The following PTPRN variants were observed in gnomAD, a reference collection of about 807,000 sequenced individuals.
PTPRN encodes receptor-type tyrosine-protein phosphatase-like N.
Under a neutral mutation model 108.5 loss-of-function variants are expected in PTPRN, and 70 were observed. The ratio of observed to expected loss-of-function variants is 0.65; its 90% CI spans 0.53 to 0.79. The LOEUF is 0.79. Ranked by LOEUF, PTPRN falls within the 30% of genes least tolerant of loss-of-function variation. The pLI, the probability that PTPRN is intolerant of heterozygous loss-of-function variation, is 0.00. For missense variants in PTPRN, 1,136 were observed against 1,295.5 expected (o/e 0.88, Z 1.89); for synonymous variants, 496 against 524.6 (o/e 0.95, Z 0.75).
At chr2:219,304,999 C>T (rs1180585194) in intron 3 of PTPRN, among the ~76,000 whole-genome samples, 2 of 152,142 alleles carry the variant, frequency 1.3e-5, no homozygotes, top group African/African-American at 4.8e-5. Flanking sequence ...CCCAACTATT[C>T]TACCAAAGCT....
chr2:219,296,256 A>G lies in PTPRN; in HGVS notation c.2478T>C (p.Asp826=). Residue 826 remains aspartate, a synonymous_variant, in exon 18 of 23, where the codon GAT becomes GAC. Coordinates refer to ENST00000295718, the MANE Select transcript of PTPRN (RefSeq NM_002846.4). The surrounding 1 kb of genome is among the most constrained non-coding windows in gnomAD (Gnocchi z 6.0). Reference sequence around the variant, plus strand: ...ATACGTGGTAGAGGGAGGCACCCTCATCTGGCCAGTAGCGGTCACACTGCT... The same window carrying G: ...ATACGTGGTAGAGGGAGGCACCCTCGTCTGGCCAGTAGCGGTCACACTGCT... ...GVKQCDRYWP[D]EGASLYHVYE... The G allele has an allele frequency of 1.2e-6, 2 of 1,614,130 alleles. No individual in the cohort carries two copies. The highest frequency in any genetic ancestry group is 1.7e-6 in the Non-Finnish European group (2 of 1,180,036).
In PTPRN at chr2:219,298,084, A is replaced by T. The variant is rs1952247201; in HGVS notation, c.1688T>A (p.Val563Asp). Residue 563 changes from valine to aspartate, a missense_variant, in exon 13 of 23, where the codon GTC becomes GAC. By Grantham distance (152) the Val-to-Asp change is radical. Coordinates refer to ENST00000295718, the MANE Select transcript of PTPRN (RefSeq NM_002846.4). ...GVGQREEAAAVLPQTAHSTSP... is the reference protein window; with the variant it reads ...GVGQREEAAADLPQTAHSTSP... The stretch of plus-strand genomic sequence containing the variant: ...GGTGCTGTGCGCAGTTTGGGGAAGG[A>T]CTGCAGCTGCCTCCTCCCTCTGTGG... The T allele has an allele frequency of 1.2e-6, 2 of 1,613,354 alleles. No homozygotes were observed. Among genetic ancestry groups the T allele is most frequent in the African/African-American group, 1.3e-5 (1 of 75,052 alleles).
At position 219,302,239 on chromosome 2, in the gene PTPRN, C is replaced by G; in HGVS notation, c.892G>C (p.Glu298Gln). ...PSRARVPRLP[E>Q]QGSSSRAEDS... ...TCTGCCCGGCTGCTGCTCCCTTGCT[C>G]TGGCAGCCTTGGCACCCTGGCCCTG... Residue 298 changes from glutamate to glutamine, a missense_variant, in exon 6 of 23, where the codon GAG becomes CAG. Physicochemically the swap from Glu to Gln is conservative, Grantham distance 29. Transcript: ENST00000295718. 1 of 1,614,194 alleles carries G rather than the reference C, an allele frequency of 6.2e-7. No homozygotes were observed. Among genetic ancestry groups the G allele is most frequent in the African/African-American group, 1.3e-5 (1 of 75,056 alleles).
rs147177825 is a variant in PTPRN, at chr2:219,298,182, C to T, written c.1669-79G>A. The T allele has an allele frequency of 5.5e-4, 771 of 1,394,648 alleles. 1 individual carries two copies. Among genetic ancestry groups the T allele is most frequent in the Non-Finnish European group, 6.5e-4 (656 of 1,003,822 alleles). 86.4% of individuals were successfully genotyped at this position (1,394,648 alleles called of 1,614,324 possible). A position where few individuals can be genotyped will look rare whatever the true frequency, so the allele number is the denominator to read the frequency against. ...GCTGCTCCTCACCCCGGTCCCATGC[C>T]ACACCCCCTGTTAGGACATCTCCTG... On this transcript the variant is annotated intron_variant, in intron 12 of 22. Transcript: ENST00000295718.
At position 219,297,215 on chromosome 2, in the gene PTPRN, C is replaced by T; in HGVS notation, c.2088+18G>A. The T allele has an allele frequency of 6.2e-7, 1 of 1,611,806 alleles. No individual in the cohort carries two copies. Among genetic ancestry groups the T allele is most frequent in the Non-Finnish European group, 8.5e-7 (1 of 1,178,464 alleles). On this transcript the variant is annotated intron_variant, in intron 14 of 22. Coordinates refer to ENST00000295718, the MANE Select transcript of PTPRN (RefSeq NM_002846.4). This position sits in a 1 kb window ranked among gnomAD's most constrained non-coding sequence, Gnocchi z 6.0. The stretch of plus-strand genomic sequence containing the variant: ...ATCCCATTCCTTCACCCACTCTGGG[C>T]CCAGGCCCTGTCCTGACCAGAATCA...
At position 219,300,929 on chromosome 2, in the gene PTPRN, T is replaced by A; in HGVS notation, c.1161+14A>T. 6.2e-7 allele frequency: 1 copy of A among 1,613,530 alleles called. No homozygotes were observed. Among genetic ancestry groups the A allele is most frequent in the South Asian group, 1.1e-5 (1 of 91,058 alleles). On this transcript the variant is annotated intron_variant, in intron 8 of 22. Coordinates refer to ENST00000295718, the MANE Select transcript of PTPRN (RefSeq NM_002846.4). ...ATGGGGTGATTATGAGTCAAGGAGG[T>A]GCTGGGGACTCACTTTCTTGATATC...
chr2:219,291,644 G>A (rs1952057922), intron 19 of PTPRN, 121 bp from the exon 20 acceptor site: 2 of 1,047,388 alleles, frequency 1.9e-6, no homozygotes, highest in Non-Finnish European at 2.8e-6. Flanking sequence ...GGCAGAGAGG[G>A]AAGATGGTTG....
chr2:219,309,202 C>CCCCA lies in PTPRN; in HGVS notation c.115+15_115+16insTGGG. The CCCCA allele has an allele frequency of 6.6e-7, 1 of 1,516,578 alleles. No homozygotes were observed. The highest frequency in any genetic ancestry group is 8.9e-7 in the Non-Finnish European group (1 of 1,125,972). The allele number at this position is 1,516,578 out of a possible 1,614,324, so 93.9% of individuals were successfully genotyped here. A position where few individuals can be genotyped will look rare whatever the true frequency, so the allele number is the denominator to read the frequency against. On this transcript the variant is annotated intron_variant, in intron 1 of 22. Transcript: ENST00000295718. The stretch of plus-strand genomic sequence containing the variant: ...CCCCGCCCCCCACCACCCGCCAGCC[C>CCCCA]AAGTTTCCTCCTGACCGTGGGCACT...
rs1292290609 is a variant in PTPRN, at chr2:219,290,443, G to A, written c.2868+95C>T. 7.1e-7 allele frequency: 1 copy of A among 1,410,516 alleles called. No homozygotes were observed. Among genetic ancestry groups the A allele is most frequent in the African/African-American group, 1.4e-5 (1 of 70,110 alleles). The allele number at this position is 1,410,516 out of a possible 1,614,324, so 87.4% of individuals were successfully genotyped here. On this transcript the variant is annotated intron_variant, in intron 22 of 22. Transcript: ENST00000295718. This position sits in a 1 kb window ranked among gnomAD's most constrained non-coding sequence, Gnocchi z 4.2. ...CCTGGAGGAGGCGCAGAAGCAGGTG[G>A]GAAAGGTTGGCAGCTGCTGCTTTCC...
chr2:219,290,775 A>G lies in PTPRN; in HGVS notation c.2794+51T>C. On this transcript the variant is annotated intron_variant, in intron 21 of 22. Transcript: ENST00000295718. This position sits in a 1 kb window ranked among gnomAD's most constrained non-coding sequence, Gnocchi z 4.2. ...GCTCCCAGGACCCTGTGTGCTGGGG[A>G]GCCTCTAAAAAGGGCCTGGGGGCTG... 6.4e-7 allele frequency: 1 copy of G among 1,574,118 alleles called. No homozygotes were observed. The highest frequency in any genetic ancestry group is 8.7e-7 in the Non-Finnish European group (1 of 1,144,034).
rs1366738925 is a variant in PTPRN at position 219,302,146 on chromosome 2, C to T, written c.985G>A (p.Val329Met). 7.0e-6 allele frequency: 11 copies of T among 1,582,442 alleles called. No homozygotes were observed. The highest frequency in any genetic ancestry group is 9.5e-6 in the Non-Finnish European group (11 of 1,160,482). ...CTGAGGACCTTGTTACCTGGCTGCA[C>T]AGCTGGGGAAGCAGGCTTCTCTCCA... ...DRGEKPASPA[V>M]QPDAALQRLA... Residue 329 changes from valine (V) to methionine (M), a missense_variant, in exon 6 of 23, where the codon GTG becomes ATG. Coordinates refer to ENST00000295718, the MANE Select transcript of PTPRN (RefSeq NM_002846.4).
rs1348197798 is a variant in PTPRN, at chr2:219,309,319, C to T, written c.14G>A (p.Arg5Gln). 4.7e-6 allele frequency: 7 copies of T among 1,476,960 alleles called. No homozygotes were observed. Among genetic ancestry groups the T allele is most frequent in the Non-Finnish European group, 6.3e-6 (7 of 1,115,662 alleles). 91.5% of individuals were successfully genotyped at this position (1,476,960 alleles called of 1,614,324 possible). The change falls in exon 1 of 23, where the codon CGG becomes CAG. Residue 5 changes from arginine (R) to glutamine (Q), a missense_variant. Arg to Gln is a conservative substitution (Grantham distance 43). Coordinates refer to ENST00000295718, the MANE Select transcript of PTPRN (RefSeq NM_002846.4). MRRPRRPGGLGGSGG... is the reference protein window; with the variant it reads MRRPQRPGGLGGSGG... ...GGATCCCCCGAGACCCCCAGGCCGC[C>T]GCGGGCGCCGCATCTTTCCGAGCTC...
intron 19 of PTPRN, among the ~76,000 whole-genome samples, chr2:219,293,432 G>A (rs1001647382): frequency 3.3e-5 from 5 of 152,000 alleles, no homozygotes; most frequent in African/African-American, 4.8e-5. Context: ...CACCCACCTC[G>A]GCCTCCCAAA....
chr2:219,306,011 A>C (rs945619998), intron 3 of PTPRN, among the ~76,000 whole-genome samples: 1 of 152,072 alleles, frequency 6.6e-6, no homozygotes, highest in Admixed American at 6.6e-5. Context: ...TTAGCCAGGC[A>C]TGGTGGCGCG....
In PTPRN at chr2:219,302,453, G is replaced by C; in HGVS notation, c.678C>G (p.Ser226=). 6.2e-7 allele frequency: 1 copy of C among 1,614,138 alleles called. No homozygotes were observed. Among genetic ancestry groups the C allele is most frequent in the Middle Eastern group, 1.6e-4 (1 of 6,062 alleles). The change falls in exon 6 of 23, where the codon TCC becomes TCG. Residue 226 remains serine (S), a synonymous_variant. Transcript: ENST00000295718. ...GGGGGCCGACACTGACCATCCCTGG[G>C]GAGCCCTCTGAGACCCTGGAGCCAT... ...SRDGSRVSEG[S]PGMVSVGPLP...
chr2:219,291,957 G>C (rs1298684934), intron 19 of PTPRN: 1 of 199,278 alleles, frequency 5.0e-6, no homozygotes, highest in African/African-American at 2.4e-5. Context: ...CATATTAAGA[G>C]ACACTTCTGC....
chr2:219,291,369 T>C, intron 20 of PTPRN, 101 bp downstream of exon 20: 1 of 1,299,888 alleles, frequency 7.7e-7, no homozygotes, highest in East Asian at 2.3e-5. Flanking sequence ...GGATTTGGAC[T>C]ATGCCTGCAG....
Position 219,307,830 on chromosome 2 carries a change from T to G in PTPRN, c.128A>C (p.Asp43Ala). The G allele has an allele frequency of 6.2e-7, 1 of 1,614,070 alleles. No homozygotes were observed. The highest frequency in any genetic ancestry group is 8.5e-7 in the Non-Finnish European group (1 of 1,180,010). The stretch of plus-strand genomic sequence containing the variant: ...TTCCAGGTGAGAGCAGAGCCTGCGG[T>G]CAAATAGACAGCCTGTAGAGGAAAA... The part of the protein sequence containing the change: ...SAVSAHGCLF[D>A]RRLCSHLEVC... Residue 43 changes from aspartate (D) to alanine (A), a missense_variant, in exon 2 of 23, where the codon GAC (aspartate) becomes GCC (alanine). Transcript: ENST00000295718.
In PTPRN at chr2:219,302,800, C is replaced by T. The variant is rs1215482631; in HGVS notation, c.415G>A (p.Glu139Lys). Residue 139 changes from glutamate to lysine, a missense_variant, in exon 5 of 23, where the codon GAG (glutamate) becomes AAG (lysine). Physicochemically the swap from Glu to Lys is moderately conservative, Grantham distance 56 (BLOSUM62 1). Coordinates refer to ENST00000295718, the MANE Select transcript of PTPRN (RefSeq NM_002846.4). ...LAPKRPGPAG[E>K]LLLQDIPTGS... ...GTGGGGATGTCCTGTAAAAGCAGCT[C>T]TCCAGCAGGACCAGGTCTCTTGGGT... 1 of 1,613,556 alleles carries T rather than the reference C, an allele frequency of 6.2e-7. No homozygotes were observed. The highest frequency in any genetic ancestry group is 1.7e-5 in the Admixed American group (1 of 59,820).
Sources: gnomAD v4.1 joint callset for allele counts (sites outside exome capture counted in the v4.1 genomes callset) on GRCh38, gnomAD v4.1.1 for gene constraint, Gnocchi (gnomAD v3.1) non-coding constraint, MANE v1.5 for transcripts, NCBI Gene and HGNC (gene_info 2026-07-23, HGNC 2026-07-21) for gene names.